MISP: variants seen among roughly 807,000 people sequenced by gnomAD.
The protein encoded by MISP is mitotic spindle positioning.
In MISP, 51 loss-of-function variants were observed where a neutral mutation model predicts 49.3. The observed-to-expected ratio is 1.03, with a 90% confidence interval of 0.83 to 1.31. The LOEUF is 1.31. Ranked by LOEUF, MISP falls within the 50% of genes most tolerant of loss-of-function variation. The probability of loss-of-function intolerance (pLI) is 0.00; values close to 1 mark genes in which losing one functional copy is unlikely to be tolerated. For missense variants in MISP, 1,084 were observed against 935.1 expected, an observed-to-expected ratio of 1.16 and a Z score of -2.08; for synonymous variants, 444 against 392.6, an observed-to-expected ratio of 1.13 and a Z score of -1.55.
chr19:759,456 G>C (rs554331694), intron 2 of MISP, among the ~76,000 whole-genome samples: 1 of 143,896 alleles, frequency 6.9e-6, no homozygotes, highest in African/African-American at 2.6e-5. Context: ...CTGGAGTGCA[G>C]TGGCGCGATC....
chr19:762,000 T>G (rs1599189017), intron 4 of MISP, among the ~76,000 whole-genome samples: 1 of 152,160 alleles, frequency 6.6e-6, no homozygotes, highest in East Asian at 1.9e-4. Context: ...CAGGCTGGAG[T>G]GCAGTGGTGC....
chr19:753,894 A>G (rs913011559), intron 1 of MISP, among the ~76,000 whole-genome samples: 3 of 151,690 alleles, frequency 2.0e-5, no homozygotes, highest in African/African-American at 7.3e-5. Context: ...CTCCCACCTC[A>G]GCCTCCCAAG....
chr19:760,186 C>A (rs1467016591), intron 3 of MISP, 147 bp downstream of exon 3: 1 of 853,480 alleles, frequency 1.2e-6, no homozygotes, highest in African/African-American at 1.7e-5. Flanking sequence ...CTGCAGATGT[C>A]AGGTAGAAGA....
chr19:764,260 AG>A lies in MISP; in HGVS notation c.*676del, dbSNP rs934877216. ...AAAAGTGACCCAGTTTAGGAGCTGG[AG>A]GGGGGTCTTTGTCCCCCACCCCCAA... On this transcript the variant is annotated 3_prime_UTR_variant, in exon 5 of 5. Transcript: ENST00000215582. The A allele has an allele frequency of 5.9e-5, 9 of 152,396 alleles. No homozygotes were observed. The highest frequency in any genetic ancestry group is 3.4e-3 in the Middle Eastern group (1 of 294). The allele number at this position is 152,396 out of a possible 1,614,324, so 9.4% of individuals were successfully genotyped here. A position where few individuals can be genotyped will look rare whatever the true frequency, so the allele number is the denominator to read the frequency against.
Position 758,629 on chromosome 19 carries a change from G to T in MISP, c.1683G>T (p.Val561=), listed in dbSNP as rs756008075. Residue 561 remains valine, a synonymous_variant, in exon 2 of 5, where the codon GTG becomes GTT. Transcript: ENST00000215582. The stretch of plus-strand genomic sequence containing the variant: ...GTGTCCTGCGCCGGGAGCAAGAGGT[G>T]GCAGAGGAGCGGAGAAATGCTCTCT... ...RESVLRREQE[V]AEERRNALFP... 1.2e-6 allele frequency: 2 copies of T among 1,614,262 alleles called. No individual in the cohort carries two copies. The highest frequency in any genetic ancestry group is 1.7e-6 in the Non-Finnish European group (2 of 1,180,048).
At chr19:752,171 C>T (rs972277004) in intron 1 of MISP, among the ~76,000 whole-genome samples, 3 of 152,180 alleles carry the variant, frequency 2.0e-5, no homozygotes, top group Non-Finnish European at 2.9e-5. Context: ...GAGTCGAAAA[C>T]GGTTCCAAGG....
Position 757,601 on chromosome 19 carries a change from A to AC in MISP, c.659dup (p.Ala221CysfsTer55). ...CCCTCATAGCTCCCCGGCCAGGGGG[A>AC]CCCCTGCAGGCACAACCCCAGGGGC... On this transcript the variant is annotated frameshift_variant, in exon 2 of 5. Coordinates refer to ENST00000215582, the MANE Select transcript of MISP (RefSeq NM_173481.4). LOFTEE classifies it high-confidence loss of function. 3.1e-6 allele frequency: 5 copies of AC among 1,612,048 alleles called. No individual in the cohort carries two copies. The highest frequency in any genetic ancestry group is 4.2e-6 in the Non-Finnish European group (5 of 1,179,508).
rs1253103491 is a variant in MISP, at chr19:757,775, G to A, written c.829G>A (p.Gly277Ser). Residue 277 changes from glycine (G) to serine (S), a missense_variant, in exon 2 of 5, where the codon GGC (glycine) becomes AGC (serine). Coordinates refer to ENST00000215582, the MANE Select transcript of MISP (RefSeq NM_173481.4). ...CAGTGTCCAAGTTGTGGATGACCCT[G>A]GCTCCTTGGCCTCAGTGGAGTCCCC... is the stretch of plus-strand genomic sequence containing the variant. ...WASVQVVDDP[G>S]SLASVESPGT... 6 of 1,613,222 alleles carry A rather than the reference G, an allele frequency of 3.7e-6. No homozygotes were observed. The African/African-American group carries it at 8.0e-5, about 22-fold the overall frequency.
chr19:759,966 A>G lies in MISP; in HGVS notation c.1838A>G (p.His613Arg). 1.9e-6 allele frequency: 3 copies of G among 1,613,650 alleles called. No individual in the cohort carries two copies. The highest frequency in any genetic ancestry group is 2.5e-6 in the Non-Finnish European group (3 of 1,179,894). Residue 613 changes from histidine (H) to arginine (R), a missense_variant, in exon 3 of 5, where the codon CAC becomes CGC. His to Arg is a conservative substitution (Grantham distance 29, BLOSUM62 0). Coordinates refer to ENST00000215582, the MANE Select transcript of MISP (RefSeq NM_173481.4). ...CCCTTCTTCAGCCCCATCCACCTAC[A>G]CTCAAACGTGGCGTGGACAGTGGAA... ...ESPFFSPIHL[H>R]SNVAWTVEDP...
rs141160817 is a variant in MISP at position 757,197 on chromosome 19, C to A, written c.251C>A (p.Ser84Ter). The change falls in exon 2 of 5, where the codon TCG (serine) becomes TAG (stop). Residue 84 changes from serine (S) to a stop codon, truncating the protein, a stop_gained. Coordinates refer to ENST00000215582, the MANE Select transcript of MISP (RefSeq NM_173481.4). LOFTEE classifies it high-confidence loss of function. ...TGQPSPRGLHSENREDEGWQV... is the reference protein window; with the variant it reads ...TGQPSPRGLH ...CAGCCGTCCCCACGGGGGCTCCACTCGGAGAACAGGGAGGATGAGGGTTGG... is the reference window on the plus strand; with the variant it reads ...CAGCCGTCCCCACGGGGGCTCCACTAGGAGAACAGGGAGGATGAGGGTTGG... 6.2e-7 allele frequency: 1 copy of A among 1,613,582 alleles called. No individual in the cohort carries two copies. Among genetic ancestry groups the A allele is most frequent in the East Asian group, 2.2e-5 (1 of 44,886 alleles).
At chr19:748,559 G>T (rs2033410975), upstream of MISP, among the ~76,000 whole-genome samples, 1 of 152,140 alleles carries the variant, frequency 6.6e-6, no homozygotes, top group Non-Finnish European at 1.5e-5. Flanking sequence ...GGGCAGGACT[G>T]GCTTCCCGGG....
intron 4 of MISP, among the ~76,000 whole-genome samples, chr19:762,407 C>A (rs1486235264): frequency 6.6e-6 from 1 of 151,946 alleles, no homozygotes; most frequent in Non-Finnish European, 1.5e-5. Flanking sequence ...CACCCACCAC[C>A]ATGCCCAGCT....
chr19:761,887 G>A (rs1273187712), intron 4 of MISP, among the ~76,000 whole-genome samples: 2 of 152,288 alleles, frequency 1.3e-5, no homozygotes, highest in East Asian at 1.9e-4. Context: ...TCTCCACCAC[G>A]TGGTGAAGGT....
intron 1 of MISP, among the ~76,000 whole-genome samples, chr19:754,891 G>A (rs923152604): frequency 6.7e-6 from 1 of 148,886 alleles, no homozygotes; most frequent in African/African-American, 2.4e-5. Flanking sequence ...TGGGTTGGAG[G>A]AAGAGGGCCT....
At chr19:752,223 C>T (rs1599178837) in intron 1 of MISP, among the ~76,000 whole-genome samples, 1 of 152,268 alleles carries the variant, frequency 6.6e-6, no homozygotes, top group East Asian at 1.9e-4. Flanking sequence ...CCTTAGCCAC[C>T]GCCGGGCCTT....
In MISP at chr19:751,188, C is replaced by A. The variant is rs1182770704; in HGVS notation, c.-58+17C>A. On this transcript the variant is annotated intron_variant, in intron 1 of 4. Transcript: ENST00000215582. ...AGCCGGCAGGTGAGGCTGGGGGCGC[C>A]CCGGGCCGGGCCGGGCGGGGATCCT... 1 of 152,196 alleles carries A rather than the reference C, an allele frequency of 6.6e-6. No homozygotes were observed. Among genetic ancestry groups the A allele is most frequent in the Non-Finnish European group, 1.5e-5 (1 of 68,358 alleles). The allele number at this position is 152,196 out of a possible 1,614,324, so 9.4% of individuals were successfully genotyped here. A position where few individuals can be genotyped will look rare whatever the true frequency, so the allele number is the denominator to read the frequency against.
intron 3 of MISP, chr19:760,364 C>CTTTT (rs34363064): frequency 1.5e-4 from 20 of 129,736 alleles, no homozygotes; most frequent in East Asian, 2.5e-4. Flanking sequence ...GCATTAGTTT[C>CTTTT]TTTTTTTTTT....
intron 2 of MISP, among the ~76,000 whole-genome samples, chr19:759,265 C>T (rs570134103): frequency 6.6e-6 from 1 of 152,236 alleles, no homozygotes; most frequent in South Asian, 2.1e-4. Flanking sequence ...TCAGGCGATC[C>T]ACCCTGCCTT....
At chr19:762,476 C>T (rs2033688909) in intron 4 of MISP, among the ~76,000 whole-genome samples, 1 of 151,796 alleles carries the variant, frequency 6.6e-6, no homozygotes, top group Non-Finnish European at 1.5e-5. Context: ...TGGTCTCGAA[C>T]TCCTGACCTC....
Sources: allele counts gnomAD v4.1 joint callset (sites outside exome capture counted in the v4.1 genomes callset), GRCh38; gene constraint gnomAD v4.1.1; transcripts MANE v1.5; gene names NCBI Gene and HGNC (gene_info 2026-07-23, HGNC 2026-07-21).